The following SLIT1 variants were observed in gnomAD, a reference collection of about 807,000 sequenced individuals.
SLIT1 encodes the protein slit guidance ligand 1.
Under a neutral mutation model 186.1 loss-of-function variants are expected in SLIT1, and 66 were observed. The ratio of observed to expected loss-of-function variants is 0.35; its 90% CI spans 0.29 to 0.44. The LOEUF is 0.44. Ranked by LOEUF, SLIT1 falls within the 20% of genes least tolerant of loss-of-function variation. SLIT1 has a pLI of 1.00. For synonymous variants in SLIT1, 761 were observed against 833.8 expected (o/e 0.91, Z 1.50); for missense variants, 1,638 against 2,037.4 (o/e 0.80, Z 3.77).
At chr10:97,092,716 T>C (rs968475637) in intron 4 of SLIT1, among the ~76,000 whole-genome samples, 4 of 152,226 alleles carry the variant, frequency 2.6e-5, no homozygotes, top group Non-Finnish European at 5.9e-5. Context: ...ATTTCTTGAC[T>C]GGATGAGAAT....
At chr10:97,181,806 C>G (rs1850342274) in intron 1 of SLIT1, among the ~76,000 whole-genome samples, 1 of 152,222 alleles carries the variant, frequency 6.6e-6, no homozygotes, top group African/African-American at 2.4e-5. Context: ...CTTACCCTCT[C>G]TGCACAAGGG....
chr10:97,012,361 G>T (rs1381927601), intron 30 of SLIT1, among the ~76,000 whole-genome samples: 2 of 152,156 alleles, frequency 1.3e-5, no homozygotes, highest in Admixed American at 1.3e-4. Context: ...TCCATTTAAT[G>T]ACTATATACT....
At chr10:97,140,257 A>G (rs2134702363) in intron 4 of SLIT1, among the ~76,000 whole-genome samples, 1 of 152,038 alleles carries the variant, frequency 6.6e-6, no homozygotes, top group South Asian at 2.1e-4. Flanking sequence ...TTACTACCCC[A>G]TTAGTTGCCA....
chr10:97,144,866 A>C (rs1200483162), intron 4 of SLIT1, among the ~76,000 whole-genome samples: 1 of 152,160 alleles, frequency 6.6e-6, no homozygotes, highest in Non-Finnish European at 1.5e-5. Context: ...CCTGCACTAC[A>C]TGCTCCATAC....
chr10:97,151,380 G>T (rs1218205026), intron 4 of SLIT1, among the ~76,000 whole-genome samples: 1 of 150,710 alleles, frequency 6.6e-6, no homozygotes, highest in East Asian at 1.9e-4. Context: ...ATGGGTGGGG[G>T]TGGGAGAGTG....
intron 25 of SLIT1, among the ~76,000 whole-genome samples, chr10:97,026,146 A>T (rs1483509422): frequency 1.3e-5 from 2 of 152,084 alleles, no homozygotes; most frequent in Admixed American, 6.6e-5. Context: ...AGTCTACTTT[A>T]TTCTAGGTTT....
chr10:97,161,034 G>A (rs1227182756), intron 3 of SLIT1, among the ~76,000 whole-genome samples: 1 of 152,138 alleles, frequency 6.6e-6, no homozygotes, highest in East Asian at 1.9e-4. Context: ...TGGTATGTGT[G>A]GTTTTTAATG....
At chr10:97,062,708 G>A (rs971174688) in intron 8 of SLIT1, among the ~76,000 whole-genome samples, 1 of 152,214 alleles carries the variant, frequency 6.6e-6, no homozygotes, top group Non-Finnish European at 1.5e-5. Flanking sequence ...ACAGCTGGGG[G>A]AGCTGCAGGC....
chr10:97,002,052 G>T, intron 36 of SLIT1, 106 bp downstream of exon 36: 1 of 698,018 alleles, frequency 1.4e-6, no homozygotes, highest in Non-Finnish European at 2.3e-6. Flanking sequence ...ATGGTACAGG[G>T]CTGGGAAGGG....
intron 4 of SLIT1, among the ~76,000 whole-genome samples, chr10:97,156,149 G>A (rs570403217): frequency 1.3e-5 from 2 of 152,322 alleles, no homozygotes; most frequent in Admixed American, 6.5e-5. Flanking sequence ...CAAGCCCAAG[G>A]GTGGTGGCAA....
chr10:97,059,974 AAGG>A, intron 10 of SLIT1, 110 bp downstream of exon 10: 1 of 927,372 alleles, frequency 1.1e-6, no homozygotes, highest in Non-Finnish European at 1.8e-6. Flanking sequence ...GTGGCTGGCC[AAGG>A]CCACTCAGCT....
intron 13 of SLIT1, 130 bp from the exon 14 acceptor site, chr10:97,049,248 C>CG: frequency 2.8e-6 from 3 of 1,085,882 alleles, no homozygotes; most frequent in East Asian, 2.6e-5. Context: ...GGGTCAGCCA[C>CG]GGGGGGAAAG....
intron 23 of SLIT1, among the ~76,000 whole-genome samples, chr10:97,032,306 C>G (rs1426415525): frequency 6.6e-6 from 1 of 152,140 alleles, no homozygotes; most frequent in Non-Finnish European, 1.5e-5. Context: ...CGGTGGCTGA[C>G]TCTTGTAATC....
At chr10:97,141,914 C>T (rs769770582) in intron 4 of SLIT1, among the ~76,000 whole-genome samples, 9 of 152,208 alleles carry the variant, frequency 5.9e-5, no homozygotes, top group Admixed American at 2.0e-4. Flanking sequence ...TGCTTCAGCC[C>T]TCCAGCCTCC....
chr10:97,098,224 C>A (rs7080283), intron 4 of SLIT1, among the ~76,000 whole-genome samples: 1 of 152,192 alleles, frequency 6.6e-6, no homozygotes, highest in Non-Finnish European at 1.5e-5. Flanking sequence ...ACCGGGATGA[C>A]CCGGGGGGCT....
intron 9 of SLIT1, 144 bp from the exon 10 acceptor site, chr10:97,060,302 G>C: frequency 2.8e-6 from 2 of 726,404 alleles, no homozygotes; most frequent in Admixed American, 4.3e-5. Flanking sequence ...GAAGTCTGGG[G>C]TAAGGACGCC....
chr10:97,059,281 G>A (rs960335670), intron 11 of SLIT1, among the ~76,000 whole-genome samples, 179 bp downstream of exon 11: 4 of 152,262 alleles, frequency 2.6e-5, no homozygotes, highest in Admixed American at 2.6e-4. Flanking sequence ...GGAAGAGGGA[G>A]CTGGAACAGC....
chr10:97,161,185 A>AC (rs995797739), intron 3 of SLIT1, among the ~76,000 whole-genome samples: 4 of 151,754 alleles, frequency 2.6e-5, no homozygotes, highest in South Asian at 2.1e-4. Context: ...TCATGTCTCG[A>AC]CCCCCCAGAC....
At chr10:97,053,300 C>T (rs191203762) in intron 13 of SLIT1, among the ~76,000 whole-genome samples, 15 of 152,306 alleles carry the variant, frequency 9.8e-5, no homozygotes, top group Admixed American at 8.5e-4. Flanking sequence ...TTAAAATAGT[C>T]CACCTTGCCA....
Sources: allele counts gnomAD v4.1 joint callset (sites outside exome capture counted in the v4.1 genomes callset), GRCh38; gene constraint gnomAD v4.1.1; transcripts MANE v1.5; gene names NCBI Gene and HGNC (gene_info 2026-07-23, HGNC 2026-07-21).